CACNB4: variants seen among roughly 807,000 people sequenced by gnomAD.
CACNB4 encodes the protein calcium voltage-gated channel auxiliary subunit beta 4.
A neutral mutation model predicts 71.2 loss-of-function variants in CACNB4; 32 were observed. The observed-to-expected ratio is 0.45, with a 90% CI of 0.34 to 0.60. The LOEUF (loss-of-function observed/expected upper bound fraction) is 0.60. Ranked by LOEUF, CACNB4 falls within the 20% of genes least tolerant of loss-of-function variation. The pLI is 0.01. For missense variants in CACNB4, 464 were observed against 647.9 expected (o/e 0.72, Z 3.08); for synonymous variants, 231 against 236.9 (o/e 0.97, Z 0.23).
At chr2:151,930,590 G>C (rs1170501084) in intron 2 of CACNB4, among the ~76,000 whole-genome samples, 1 of 152,022 alleles carries the variant, frequency 6.6e-6, no homozygotes, top group East Asian at 1.9e-4. Context: ...CATTAGTAGG[G>C]GATTGGTGAA....
At chr2:152,043,067 A>G (rs1490933143) in intron 2 of CACNB4, among the ~76,000 whole-genome samples, 1 of 152,200 alleles carries the variant, frequency 6.6e-6, no homozygotes, top group Non-Finnish European at 1.5e-5. Context: ...TATGGTCTAA[A>G]AAAAGGAGGA....
intron 2 of CACNB4, among the ~76,000 whole-genome samples, chr2:151,944,735 T>G (rs940945802): frequency 6.6e-6 from 1 of 152,144 alleles, no homozygotes; most frequent in African/African-American, 2.4e-5. Flanking sequence ...GAGGTTGCAG[T>G]GAGCCAAGAT....
chr2:151,863,435 C>T (rs1028648250), intron 9 of CACNB4, among the ~76,000 whole-genome samples: 10 of 152,176 alleles, frequency 6.6e-5, no homozygotes, highest in Admixed American at 2.0e-4. Flanking sequence ...TAGAAACATA[C>T]AGGCATGTTT....
intron 2 of CACNB4, among the ~76,000 whole-genome samples, chr2:152,024,804 C>T (rs1198129668): frequency 6.6e-6 from 1 of 152,218 alleles, no homozygotes; most frequent in African/African-American, 2.4e-5. Flanking sequence ...GCCTGTAATC[C>T]TAGCACTTTG....
chr2:152,044,668 T>C (rs1685055315), intron 2 of CACNB4, among the ~76,000 whole-genome samples: 1 of 152,220 alleles, frequency 6.6e-6, no homozygotes, highest in Non-Finnish European at 1.5e-5. Context: ...CTACTTAAAA[T>C]GAAATATGTC....
chr2:151,912,103 T>G (rs1250823566), intron 2 of CACNB4, among the ~76,000 whole-genome samples: 2 of 152,112 alleles, frequency 1.3e-5, no homozygotes, highest in Non-Finnish European at 2.9e-5. Flanking sequence ...ATTTGTTAAT[T>G]TTTTCAAAAA....
intron 2 of CACNB4, among the ~76,000 whole-genome samples, chr2:151,908,947 G>C (rs2151528398): frequency 6.6e-6 from 1 of 151,890 alleles, no homozygotes; most frequent in South Asian, 2.1e-4. Context: ...AGGTGCAAAG[G>C]TGACAAAGGA....
intron 2 of CACNB4, among the ~76,000 whole-genome samples, chr2:152,039,538 C>T (rs1229382440): frequency 6.6e-6 from 1 of 152,168 alleles, no homozygotes; most frequent in Non-Finnish European, 1.5e-5. Flanking sequence ...CATATGGAGC[C>T]CTAGAATATT....
At chr2:152,091,327 C>T (rs970364378) in intron 2 of CACNB4, among the ~76,000 whole-genome samples, 12 of 152,108 alleles carry the variant, frequency 7.9e-5, no homozygotes, top group African/African-American at 2.9e-4. Flanking sequence ...TGGATTACAC[C>T]ATTTAGCAAG....
At chr2:151,957,619 T>C (rs1425043491) in intron 2 of CACNB4, among the ~76,000 whole-genome samples, 1 of 152,172 alleles carries the variant, frequency 6.6e-6, no homozygotes, top group Non-Finnish European at 1.5e-5. Context: ...AGACAATAAT[T>C]TGACCCAGTA....
intron 2 of CACNB4, among the ~76,000 whole-genome samples, chr2:152,042,865 C>A (rs1364202391): frequency 6.6e-6 from 1 of 152,078 alleles, no homozygotes; most frequent in East Asian, 1.9e-4. Context: ...TCACAAAGAC[C>A]TTGCTGATAA....
At chr2:151,897,423 C>T (rs1347224733) in intron 2 of CACNB4, among the ~76,000 whole-genome samples, 2 of 152,188 alleles carry the variant, frequency 1.3e-5, no homozygotes, top group Non-Finnish European at 1.5e-5. Flanking sequence ...TTTCTCTTCC[C>T]TTCCTCCAGT....
chr2:151,962,394 C>T (rs2099869888), intron 2 of CACNB4, among the ~76,000 whole-genome samples: 1 of 152,182 alleles, frequency 6.6e-6, no homozygotes, highest in Non-Finnish European at 1.5e-5. Context: ...TTGTCAGGGA[C>T]ACTCTCTCCA....
chr2:151,862,797 G>C (rs538225605), intron 9 of CACNB4, among the ~76,000 whole-genome samples: 1 of 152,160 alleles, frequency 6.6e-6, no homozygotes, highest in East Asian at 1.9e-4. Flanking sequence ...CCTGGGTATC[G>C]GGCCAGTGCC....
At position 151,833,698 on chromosome 2, in the gene CACNB4, G is replaced by A. The variant is rs1033501859; in HGVS notation, c.*5421C>T. 1.3e-5 allele frequency: 2 copies of A among 151,916 alleles called. No homozygotes were observed. The highest frequency in any genetic ancestry group is 2.9e-5 in the Non-Finnish European group (2 of 67,902). 9.4% of individuals were successfully genotyped at this position (151,916 alleles called of 1,614,324 possible). A position where few individuals can be genotyped will look rare whatever the true frequency, so the allele number is the denominator to read the frequency against. On this transcript the variant is annotated 3_prime_UTR_variant, in exon 14 of 14. Transcript: ENST00000539935. The stretch of plus-strand genomic sequence containing the variant: ...ATCTGACAAAACTTAGAACTAAATC[G>A]ACATACTTTTAAAAAATATGACTGC...
At chr2:152,042,665 T>G (rs1201220222) in intron 2 of CACNB4, among the ~76,000 whole-genome samples, 3 of 145,640 alleles carry the variant, frequency 2.1e-5, no homozygotes, top group Admixed American at 1.4e-4. Flanking sequence ...TTCCCCCTTC[T>G]GGCTGAAAGT....
Position 151,836,058 on chromosome 2 carries a change from C to T in CACNB4, c.*3061G>A, listed in dbSNP as rs1043238121. On this transcript the variant is annotated 3_prime_UTR_variant, in exon 14 of 14. Transcript: ENST00000539935. ...CATTTATAAACATTTCTAAGTGTTG[C>T]TTTAAATATTAAACAAGATAATGTT... is the stretch of plus-strand genomic sequence containing the variant. The T allele has an allele frequency of 6.6e-6, 1 of 151,816 alleles. No homozygotes were observed. Among genetic ancestry groups the T allele is most frequent in the African/African-American group, 2.4e-5 (1 of 41,414 alleles). The allele number at this position is 151,816 out of a possible 1,614,324, so 9.4% of individuals were successfully genotyped here. A position where few individuals can be genotyped will look rare whatever the true frequency, so the allele number is the denominator to read the frequency against.
At chr2:152,069,910 T>C (rs1293727682) in intron 2 of CACNB4, among the ~76,000 whole-genome samples, 2 of 145,314 alleles carry the variant, frequency 1.4e-5, no homozygotes, top group Non-Finnish European at 3.0e-5. Context: ...TGGCACGATC[T>C]CGGCTCACTG....
chr2:152,029,507 A>AGAAAG (rs545046826), intron 2 of CACNB4, among the ~76,000 whole-genome samples: 11 of 104,768 alleles, frequency 1.0e-4, no homozygotes, highest in Non-Finnish European at 1.8e-4. Flanking sequence ...AAAAAAAAAA[A>AGAAAG]AAAAGAAAAG....
Sources: gnomAD v4.1 joint callset for allele counts (sites outside exome capture counted in the v4.1 genomes callset) on GRCh38, gnomAD v4.1.1 for gene constraint, MANE v1.5 for transcripts, NCBI Gene and HGNC (gene_info 2026-07-23, HGNC 2026-07-21) for gene names.